Variants in LCORL observed in about 807,000 individuals in gnomAD.
LCORL encodes the protein ligand-dependent nuclear receptor corepressor-like protein.
A neutral mutation model predicts 141.8 loss-of-function variants in LCORL; 41 were observed. The ratio of observed to expected loss-of-function variants is 0.29; its 90% CI spans 0.23 to 0.38. The LOEUF is 0.38. Ranked by LOEUF, LCORL falls within the 10% of genes least tolerant of loss-of-function variation. LCORL has a pLI of 1.00. For synonymous variants in LCORL, 618 were observed against 694.1 expected, an observed-to-expected ratio of 0.89 and a Z score of 1.72; for missense variants, 1,759 against 2,035.0, an observed-to-expected ratio of 0.86 and a Z score of 2.61.
At chr4:17,914,440 C>G (rs1413279640) in intron 4 of LCORL, among the ~76,000 whole-genome samples, 8 of 152,170 alleles carry the variant, frequency 5.3e-5, no homozygotes. Context: ...AAGTTTAAAG[C>G]ACAATACATA....
chr4:18,015,247 C>A (rs913127190), intron 1 of LCORL, among the ~76,000 whole-genome samples: 1 of 152,122 alleles, frequency 6.6e-6, no homozygotes, highest in Non-Finnish European at 1.5e-5. Flanking sequence ...CAGGAAGCAG[C>A]GCACCCATGT....
At chr4:17,921,148 C>G (rs149497981) in intron 4 of LCORL, among the ~76,000 whole-genome samples, 1 of 152,012 alleles carries the variant, frequency 6.6e-6, no homozygotes, top group African/African-American at 2.4e-5. Context: ...CTCAGCTTCC[C>G]GAGTAGCTGG....
In LCORL at chr4:17,884,905, C is replaced by T. The variant is rs954028846; in HGVS notation, c.776+1163G>A. Among the ~76,000 whole-genome samples the T allele has an allele frequency of 1.3e-5, 2 of 151,874 alleles. No homozygotes were observed. Among genetic ancestry groups the T allele is most frequent in the African/African-American group, 4.8e-5 (2 of 41,378 alleles). Reference sequence around the variant, plus strand: ...AGTCTGTGAGATGTAGTAGTTACTCCTTATCAAAGCAAACGCTACAGTCCT... The same window carrying T: ...AGTCTGTGAGATGTAGTAGTTACTCTTTATCAAAGCAAACGCTACAGTCCT... On this transcript the variant is annotated intron_variant, in intron 6 of 7. Transcript: ENST00000635767. The surrounding 1 kb of genome is among the most constrained non-coding windows in gnomAD (Gnocchi z 4.4).
chr4:17,915,853 T>C (rs995679290), intron 4 of LCORL, among the ~76,000 whole-genome samples: 4 of 152,174 alleles, frequency 2.6e-5, no homozygotes, highest in Non-Finnish European at 5.9e-5. Context: ...TGTGATATGG[T>C]TTAGATGTTT....
intron 4 of LCORL, among the ~76,000 whole-genome samples, chr4:17,914,751 G>A (rs755783379): frequency 3.9e-4 from 59 of 152,266 alleles, no homozygotes; most frequent in Non-Finnish European, 7.6e-4. Context: ...GTTGCCACCC[G>A]GAAATAGGGT....
chr4:17,964,998 T>C (rs1334795953), intron 2 of LCORL, among the ~76,000 whole-genome samples: 1 of 151,906 alleles, frequency 6.6e-6, no homozygotes, highest in Non-Finnish European at 1.5e-5. Context: ...ATATCCTCAA[T>C]CAAGGGCCAA....
chr4:17,843,786 TTAGA>T (rs1396648669), exon 8 of LCORL: 1 of 159,278 alleles, frequency 6.3e-6, no homozygotes, highest in Non-Finnish European at 1.4e-5. Context: ...AGCTTATGAC[TTAGA>T]TGGGCAGAAT....
At chr4:17,860,894 C>G (rs1338416224) in intron 7 of LCORL, among the ~76,000 whole-genome samples, 1 of 152,210 alleles carries the variant, frequency 6.6e-6, no homozygotes, top group Non-Finnish European at 1.5e-5. Context: ...CCTTTGACTC[C>G]ATGTCTCACA....
At position 17,907,786 on chromosome 4, in the gene LCORL, T is replaced by C. The variant is rs190889630; in HGVS notation, c.682+1308A>G. ...TATGTGTGGCCCAACACAACTCTTC[T>C]TCTTCCATTGTAGCCCGGGGAAGCC... On this transcript the variant is annotated intron_variant, in intron 5 of 7. Transcript: ENST00000635767. Among the ~76,000 whole-genome samples, 235 of 152,320 alleles carry C rather than the reference T, an allele frequency of 1.5e-3. No homozygotes were observed. In the Middle Eastern group the frequency reaches 0.027, roughly 18 times the overall value.
chr4:17,875,965 CATTT>C lies in LCORL; in HGVS notation c.3021_3024del (p.Asn1008ArgfsTer25). 1 of 1,231,204 alleles carries C rather than the reference CATTT, an allele frequency of 8.1e-7. No homozygotes were observed. Among genetic ancestry groups the C allele is most frequent in the Non-Finnish European group, 1.0e-6 (1 of 987,320 alleles). 76.3% of individuals were successfully genotyped at this position (1,231,204 alleles called of 1,614,324 possible). A position where few individuals can be genotyped will look rare whatever the true frequency, so the allele number is the denominator to read the frequency against. ...TCAGAGTTCGCATTTGAGATATCCT[CATTT>C]GTTTCTGTTTTTTCTTCAGTTACGT... is the stretch of plus-strand genomic sequence containing the variant. On this transcript the variant is annotated frameshift_variant, in exon 7 of 8. Transcript: ENST00000635767. LOFTEE classifies it high-confidence loss of function.
chr4:18,011,225 T>C (rs1723721060), intron 1 of LCORL, among the ~76,000 whole-genome samples: 1 of 152,150 alleles, frequency 6.6e-6, no homozygotes, highest in Non-Finnish European at 1.5e-5. Context: ...GTTTTATTTC[T>C]CAAGTTGTTC....
intron 7 of LCORL, among the ~76,000 whole-genome samples, chr4:17,852,738 A>C (rs1326929899): frequency 6.6e-6 from 1 of 152,190 alleles, no homozygotes; most frequent in Non-Finnish European, 1.5e-5. Flanking sequence ...AAGTTTACAG[A>C]GTATGTGCAT....
chr4:17,918,668 G>T (rs1436232542), intron 4 of LCORL, among the ~76,000 whole-genome samples: 1 of 152,170 alleles, frequency 6.6e-6, no homozygotes, highest in East Asian at 1.9e-4. Context: ...TAAGGACAAA[G>T]ATGCAGAGGG....
chr4:17,981,971 T>C (rs562702912), intron 1 of LCORL, among the ~76,000 whole-genome samples: 2 of 152,196 alleles, frequency 1.3e-5, no homozygotes, highest in Admixed American at 1.3e-4. Flanking sequence ...ATCATTTATA[T>C]GGTAGAATAC....
chr4:17,854,390 ACAAT>A (rs1218138474), intron 7 of LCORL, among the ~76,000 whole-genome samples: 1 of 152,226 alleles, frequency 6.6e-6, no homozygotes, highest in Non-Finnish European at 1.5e-5. Context: ...AAAACATAAG[ACAAT>A]CAAAGATATC....
exon 7 of LCORL, chr4:17,876,654 G>A (rs1726956132): frequency 8.1e-7 from 1 of 1,230,622 alleles, no homozygotes; most frequent in East Asian, 3.2e-5. Flanking sequence ...ATACCACCCT[G>A]GAGGCACAAT....
At chr4:17,981,231 T>G (rs968169734) in intron 1 of LCORL, among the ~76,000 whole-genome samples, 13 of 152,150 alleles carry the variant, frequency 8.5e-5, no homozygotes, top group African/African-American at 3.1e-4. Context: ...TTAAGTGGGA[T>G]TACTTAACCC....
chr4:17,912,561 T>A, intron 4 of LCORL: 1 of 451,036 alleles, frequency 2.2e-6, no homozygotes. Context: ...TCTGCCGGAA[T>A]TGGAGCTGCT....
intron 6 of LCORL, chr4:17,880,465 C>T (rs1727414679): frequency 6.4e-6 from 6 of 931,456 alleles, no homozygotes; most frequent in Non-Finnish European, 7.7e-6. Context: ...AAACATACTG[C>T]CTATTTTTAG....
Sources: allele counts gnomAD v4.1 joint callset (sites outside exome capture counted in the v4.1 genomes callset), GRCh38; gene constraint gnomAD v4.1.1; non-coding constraint Gnocchi (gnomAD v3.1); transcripts MANE v1.5; gene names NCBI Gene and HGNC (gene_info 2026-07-23, HGNC 2026-07-21).